NKAIN3: variants seen among roughly 807,000 people sequenced by gnomAD.
NKAIN3 encodes sodium/potassium transporting ATPase interacting 3, also known as sodium/potassium-transporting ATPase subunit beta-1-interacting protein 3.
NKAIN3 carries 25 observed loss-of-function variants against 30.2 expected under a neutral mutation model. The ratio of observed to expected loss-of-function variants is 0.83; its 90% CI spans 0.60 to 1.16. The LOEUF (loss-of-function observed/expected upper bound fraction) is 1.16. NKAIN3 is among the 50% of genes most tolerant of loss of function. The probability of loss-of-function intolerance (pLI) is 0.00; values close to 1 mark genes in which losing one functional copy is unlikely to be tolerated. For missense variants in NKAIN3, 225 were observed against 254.1 expected (o/e 0.89, Z 0.78); for synonymous variants, 91 against 89.6 (o/e 1.02, Z -0.09).
At chr8:62,859,601 TATGCGTGTGTGTGTGTGC>T (rs1371184117) in intron 4 of NKAIN3, among the ~76,000 whole-genome samples, 1 of 147,396 alleles carries the variant, frequency 6.8e-6, no homozygotes, top group African/African-American at 2.5e-5. Context: ...TATATACATA[TATGCGTGTGTGTGTGTGC>T]ATGCGTGTGT....
intron 5 of NKAIN3, among the ~76,000 whole-genome samples, chr8:62,949,630 G>A (rs948677085): frequency 6.6e-6 from 1 of 152,186 alleles, no homozygotes; most frequent in Non-Finnish European, 1.5e-5. Flanking sequence ...GATCTTTGAT[G>A]GTAACACCTC....
chr8:62,384,815 G>A (rs1817376978), intron 1 of NKAIN3, among the ~76,000 whole-genome samples: 1 of 152,158 alleles, frequency 6.6e-6, no homozygotes. Flanking sequence ...AGGGACTGCA[G>A]TTCCCAAAGG....
chr8:62,305,312 A>G (rs1814194412), intron 1 of NKAIN3, among the ~76,000 whole-genome samples: 2 of 150,596 alleles, frequency 1.3e-5, no homozygotes, highest in Non-Finnish European at 2.9e-5. Flanking sequence ...ATCATTCAAC[A>G]GAAATTGGGT....
chr8:62,468,757 T>G (rs1456209919), intron 1 of NKAIN3, among the ~76,000 whole-genome samples: 4 of 152,182 alleles, frequency 2.6e-5, no homozygotes. Context: ...TCTTATAATT[T>G]GAGTTCTGCT....
chr8:62,796,555 A>G (rs1563565649), intron 4 of NKAIN3, among the ~76,000 whole-genome samples: 2 of 152,078 alleles, frequency 1.3e-5, no homozygotes, highest in Non-Finnish European at 2.9e-5. Context: ...AATTCCTCAC[A>G]TGTAGGCCAT....
intron 4 of NKAIN3, among the ~76,000 whole-genome samples, chr8:62,792,860 G>A (rs73683427): frequency 0.011 from 1,628 of 152,210 alleles, 26 homozygotes; most frequent in African/African-American, 0.037. Context: ...TGAGTGAAAT[G>A]ATTTAGTGTA....
chr8:62,782,080 G>GC (rs1383828618), intron 4 of NKAIN3, among the ~76,000 whole-genome samples: 1 of 150,988 alleles, frequency 6.6e-6, no homozygotes, highest in East Asian at 2.0e-4. Context: ...GAACTCAACA[G>GC]GAAAAAATTC....
Position 62,580,578 on chromosome 8 carries a change from A to G in NKAIN3, c.192+902A>G, listed in dbSNP as rs532134747. ...AAAAACATGCCATCTTTCCATTTTGACATAATCTAATTCCACCTGTGGAAA... is the reference window on the plus strand; with the variant it reads ...AAAAACATGCCATCTTTCCATTTTGGCATAATCTAATTCCACCTGTGGAAA... On this transcript the variant is annotated intron_variant, in intron 2 of 6. Coordinates refer to ENST00000623646, the MANE Select transcript of NKAIN3 (RefSeq NM_001304533.3). Among the ~76,000 whole-genome samples, 13 of 152,286 alleles carry G rather than the reference A, an allele frequency of 8.5e-5. No homozygotes were observed. The South Asian group carries it at 2.5e-3, about 29-fold the overall frequency.
intron 4 of NKAIN3, among the ~76,000 whole-genome samples, chr8:62,864,594 G>A (rs1283969457): frequency 6.6e-6 from 1 of 152,196 alleles, no homozygotes; most frequent in Non-Finnish European, 1.5e-5. Flanking sequence ...CCGAGTCACA[G>A]TTTCCAGAGT....
At chr8:62,511,459 C>T (rs79027345) in intron 1 of NKAIN3, among the ~76,000 whole-genome samples, 15,241 of 152,178 alleles carry the variant, frequency 0.1, 824 homozygotes, top group East Asian at 0.13. Context: ...TGTACCCCTC[C>T]GGCTGTTCTC....
intron 3 of NKAIN3, among the ~76,000 whole-genome samples, chr8:62,692,998 TC>T (rs1281639765): frequency 3.3e-5 from 5 of 152,202 alleles, no homozygotes; most frequent in Non-Finnish European, 5.9e-5. Flanking sequence ...ACCACTGTTA[TC>T]CATTCAAATA....
At chr8:62,604,883 G>A (rs2083907967) in intron 3 of NKAIN3, among the ~76,000 whole-genome samples, 1 of 152,056 alleles carries the variant, frequency 6.6e-6, no homozygotes, top group Non-Finnish European at 1.5e-5. Context: ...AACAAATGAT[G>A]GCAGAAGTTT....
intron 1 of NKAIN3, among the ~76,000 whole-genome samples, chr8:62,577,054 CTTG>C (rs1320217807): frequency 2.0e-5 from 3 of 151,906 alleles, no homozygotes; most frequent in East Asian, 1.9e-4. Context: ...TTTTTGAAGG[CTTG>C]TTGTTTTTAG....
chr8:62,664,758 T>C lies in NKAIN3; in HGVS notation c.273+74964T>C, dbSNP rs187411534. Among the ~76,000 whole-genome samples, 4 of 152,290 alleles carry C rather than the reference T, an allele frequency of 2.6e-5. No homozygotes were observed. The East Asian group carries it at 7.7e-4, about 29-fold the overall frequency. On this transcript the variant is annotated intron_variant, in intron 3 of 6. Transcript: ENST00000623646. The stretch of plus-strand genomic sequence containing the variant: ...TCTTCTCCCCCCTATGCATCTACAG[T>C]GTTTAGATAACATACTTGGGATGGG...
chr8:62,858,244 G>A (rs1279113974), intron 4 of NKAIN3, among the ~76,000 whole-genome samples: 2 of 151,484 alleles, frequency 1.3e-5, no homozygotes, highest in African/African-American at 2.4e-5. Context: ...GCTCCATCCC[G>A]GGGGGTACGG....
chr8:62,759,820 G>C (rs1352960758), intron 4 of NKAIN3, among the ~76,000 whole-genome samples: 1 of 152,104 alleles, frequency 6.6e-6, no homozygotes, highest in Non-Finnish European at 1.5e-5. Flanking sequence ...TACCATCAGA[G>C]TGAACAGGCA....
chr8:62,912,965 A>T (rs1482590558), intron 4 of NKAIN3, among the ~76,000 whole-genome samples: 1 of 152,150 alleles, frequency 6.6e-6, no homozygotes, highest in Non-Finnish European at 1.5e-5. Flanking sequence ...GCCTCAGCCT[A>T]ATCATCAGTG....
At chr8:62,770,636 T>C (rs903807854) in intron 4 of NKAIN3, among the ~76,000 whole-genome samples, 4 of 152,046 alleles carry the variant, frequency 2.6e-5, no homozygotes, top group Non-Finnish European at 5.9e-5. Flanking sequence ...TTTTAACATA[T>C]AAATTTGGGG....
intron 3 of NKAIN3, among the ~76,000 whole-genome samples, chr8:62,677,796 C>A (rs1022812779): frequency 1.3e-5 from 2 of 152,180 alleles, no homozygotes; most frequent in African/African-American, 4.8e-5. Context: ...CCCACCTGTG[C>A]ATCTCTGATG....
Sources: gnomAD v4.1 joint callset for allele counts (sites outside exome capture counted in the v4.1 genomes callset) on GRCh38, gnomAD v4.1.1 for gene constraint, MANE v1.5 for transcripts, NCBI Gene and HGNC (gene_info 2026-07-23, HGNC 2026-07-21) for gene names.